The following MDGA1 variants were observed in gnomAD, a reference collection of about 807,000 sequenced individuals.
MDGA1 encodes the protein MAM domain containing glycosylphosphatidylinositol anchor 1, also known as MAM domain-containing glycosylphosphatidylinositol anchor protein 1.
MDGA1 carries 54 observed loss-of-function variants against 101.5 expected under a neutral mutation model. The ratio of observed to expected loss-of-function variants is 0.53; its 90% confidence interval spans 0.43 to 0.67. MDGA1 has a LOEUF of 0.67. Among genes scored for constraint, MDGA1 ranks in the 30% least tolerant of loss-of-function variants. The pLI is 0.00. For synonymous variants in MDGA1, 533 were observed against 558.3 expected (o/e 0.95, Z 0.64); for missense variants, 1,083 against 1,323.8 (o/e 0.82, Z 2.82).
chr6:37,684,547 T>C (rs923883068), intron 1 of MDGA1, among the ~76,000 whole-genome samples: 1 of 152,228 alleles, frequency 6.6e-6, no homozygotes, highest in Non-Finnish European at 1.5e-5. Context: ...AAGAAAGCTG[T>C]AGAAAGTCCT....
rs1313269987 is a variant in MDGA1, at chr6:37,638,666, G to C, written c.2538C>G (p.Gly846=). ...FFYHMYGKHI[G]SLNLLVRSRN... Reference sequence around the variant, plus strand: ...GGGACCGCACCAGGAGGTTGAGGGAGCCTGCGGTGGGTGTGAAGACAGTGG... The same window carrying C: ...GGGACCGCACCAGGAGGTTGAGGGACCCTGCGGTGGGTGTGAAGACAGTGG... The change falls in exon 15 of 17, where the codon GGC becomes GGG. Residue 846 remains glycine (G), a splice_region_variant and synonymous_variant. Coordinates refer to ENST00000434837, the MANE Select transcript of MDGA1 (RefSeq NM_153487.4). The surrounding 1 kb of genome is among the most constrained non-coding windows in gnomAD (Gnocchi z 4.8). 6.2e-7 allele frequency: 1 copy of C among 1,611,996 alleles called. No homozygotes were observed. Among genetic ancestry groups the C allele is most frequent in the Non-Finnish European group, 8.5e-7 (1 of 1,179,104 alleles).
intron 1 of MDGA1, among the ~76,000 whole-genome samples, chr6:37,669,457 G>A (rs1173699854): frequency 6.6e-6 from 1 of 152,180 alleles, no homozygotes; most frequent in Non-Finnish European, 1.5e-5. Context: ...TCCAGGTACA[G>A]TTTTCCTTCT....
chr6:37,657,799 C>A (rs940592526), intron 3 of MDGA1, among the ~76,000 whole-genome samples: 15 of 152,094 alleles, frequency 9.9e-5, no homozygotes, highest in African/African-American at 3.6e-4. Context: ...GGGAGTGGGG[C>A]TTGGTCCTAT....
chr6:37,681,517 G>C (rs931690010), intron 1 of MDGA1, among the ~76,000 whole-genome samples: 1 of 152,224 alleles, frequency 6.6e-6, no homozygotes, highest in Non-Finnish European at 1.5e-5. Context: ...AAAGAGGTCT[G>C]TAGGACCCCC....
At chr6:37,673,535 G>A (rs951130618) in intron 1 of MDGA1, among the ~76,000 whole-genome samples, 4 of 152,220 alleles carry the variant, frequency 2.6e-5, no homozygotes, top group South Asian at 4.1e-4. Context: ...CAGGGATGAT[G>A]TTCCAAGCCT....
At chr6:37,643,453 GTA>G (rs1174754900) in intron 14 of MDGA1, 1 of 192,022 alleles carries the variant, frequency 5.2e-6, no homozygotes, top group African/African-American at 2.4e-5. Flanking sequence ...TGTATTTTTA[GTA>G]GAGACGGGGT....
At chr6:37,648,832 T>A (rs1380370465) in intron 9 of MDGA1, 150 bp downstream of exon 9, 2 of 1,354,512 alleles carry the variant, frequency 1.5e-6, no homozygotes, top group Non-Finnish European at 1.9e-6. Context: ...CGTGGGCGGG[T>A]CTTGGAAAGG....
chr6:37,678,935 G>A (rs1762037682), intron 1 of MDGA1, among the ~76,000 whole-genome samples: 5 of 151,662 alleles, frequency 3.3e-5, no homozygotes, highest in Admixed American at 2.6e-4. Context: ...GCACCCCTGG[G>A]AGCAAAAGCA....
intron 2 of MDGA1, among the ~76,000 whole-genome samples, chr6:37,660,099 G>A (rs1424847828): frequency 6.7e-6 from 1 of 149,534 alleles, no homozygotes; most frequent in Non-Finnish European, 1.5e-5. Flanking sequence ...GAGTGCAGTG[G>A]TACTCTTGGG....
In MDGA1 at chr6:37,637,107, A is replaced by T; in HGVS notation, c.*261T>A. The T allele has an allele frequency of 2.6e-6, 1 of 391,382 alleles. No homozygotes were observed. The highest frequency in any genetic ancestry group is 4.6e-6 in the Non-Finnish European group (1 of 217,446). 24.2% of individuals were successfully genotyped at this position (391,382 alleles called of 1,614,324 possible). ...AGTAAAGAAGGTGCTGGCAGGTCAG[A>T]TAGAAACTTGTGCTTTAATATATCT... On this transcript the variant is annotated 3_prime_UTR_variant, in exon 17 of 17. Coordinates refer to ENST00000434837, the MANE Select transcript of MDGA1 (RefSeq NM_153487.4).
chr6:37,642,989 G>C (rs1007791143), intron 14 of MDGA1, among the ~76,000 whole-genome samples: 1 of 152,192 alleles, frequency 6.6e-6, no homozygotes, highest in Non-Finnish European at 1.5e-5. Flanking sequence ...CCTCACTTGG[G>C]AAGCAGGACT....
intron 9 of MDGA1, 92 bp from the exon 10 acceptor site, chr6:37,647,416 G>A: frequency 1.3e-6 from 1 of 765,448 alleles, no homozygotes; most frequent in Non-Finnish European, 2.0e-6. Context: ...AGAGGATGAG[G>A]TGGAAAACAG....
Position 37,638,053 on chromosome 6 carries a change from A to G in MDGA1, c.2776+152T>C. The G allele has an allele frequency of 1.5e-6, 1 of 677,836 alleles. No homozygotes were observed. Among genetic ancestry groups the G allele is most frequent in the South Asian group, 1.8e-5 (1 of 56,604 alleles). The allele number at this position is 677,836 out of a possible 1,614,324, so 42.0% of individuals were successfully genotyped here. ...TACACAGCCTGAGTGAGTGTGGGGC[A>G]CACCTTCACACAGTCAGAGCCACAT... On this transcript the variant is annotated intron_variant, in intron 16 of 16. Coordinates refer to ENST00000434837, the MANE Select transcript of MDGA1 (RefSeq NM_153487.4). This position sits in a 1 kb window ranked among gnomAD's most constrained non-coding sequence, Gnocchi z 4.8.
chr6:37,664,159 A>T (rs79589922), intron 1 of MDGA1, 53 bp from the exon 2 acceptor site: 31,017 of 1,608,772 alleles, frequency 0.019, 588 homozygotes, highest in African/African-American at 0.089. Context: ...CAAGGCCAGA[A>T]GAAGTCTGGG....
intron 1 of MDGA1, among the ~76,000 whole-genome samples, chr6:37,684,066 A>G (rs894876784): frequency 2.6e-5 from 4 of 152,218 alleles, no homozygotes; most frequent in Admixed American, 1.3e-4. Flanking sequence ...CCTGAATCTC[A>G]TGGCTCAAGA....
At chr6:37,650,450 G>A in intron 7 of MDGA1, 45 bp from the exon 8 acceptor site, 5 of 1,461,904 alleles carry the variant, frequency 3.4e-6, no homozygotes, top group Non-Finnish European at 4.5e-6. Flanking sequence ...AGCGGAGTTA[G>A]AGCTCCCCAC....
intron 1 of MDGA1, among the ~76,000 whole-genome samples, chr6:37,693,264 C>CT (rs1762351389): frequency 6.6e-6 from 1 of 152,314 alleles, no homozygotes; most frequent in African/African-American, 2.4e-5. Context: ...GATCAACACC[C>CT]GGGAGATGAC....
intron 1 of MDGA1, among the ~76,000 whole-genome samples, chr6:37,665,225 T>C (rs1761721319): frequency 6.6e-6 from 1 of 152,006 alleles, no homozygotes; most frequent in Non-Finnish European, 1.5e-5. Context: ...GCTTAAACTC[T>C]AGGAAGAGGA....
At chr6:37,668,249 TAA>T (rs59059592) in intron 1 of MDGA1, among the ~76,000 whole-genome samples, 5 of 129,056 alleles carry the variant, frequency 3.9e-5, no homozygotes, top group African/African-American at 5.7e-5. Flanking sequence ...AGATTCTGTC[TAA>T]AAAAAAAAAA....
Sources: gnomAD v4.1 joint callset for allele counts (sites outside exome capture counted in the v4.1 genomes callset) on GRCh38, gnomAD v4.1.1 for gene constraint, Gnocchi (gnomAD v3.1) non-coding constraint, MANE v1.5 for transcripts, NCBI Gene and HGNC (gene_info 2026-07-23, HGNC 2026-07-21) for gene names.